Variants in ADAM17 observed in about 807,000 individuals in gnomAD.
ADAM17 encodes the protein disintegrin and metalloproteinase domain-containing protein 17.
Under a neutral mutation model 96.7 loss-of-function variants are expected in ADAM17, and 39 were observed. The ratio of observed to expected loss-of-function variants is 0.40; its 90% CI spans 0.31 to 0.53. The LOEUF is 0.53. Ranked by LOEUF, ADAM17 falls within the 20% of genes least tolerant of loss-of-function variation. ADAM17 has a pLI of 0.44. For missense variants in ADAM17, 777 were observed against 1,013.2 expected (o/e 0.77, Z 3.17); for synonymous variants, 344 against 359.2 (o/e 0.96, Z 0.48).
intron 17 of ADAM17, 142 bp from the exon 18 acceptor site, chr2:9,491,293 A>AATCC: frequency 1.5e-6 from 1 of 670,912 alleles, no homozygotes; most frequent in Non-Finnish European, 2.5e-6. Context: ...AACAGATGAC[A>AATCC]ATCCATTTCT....
intron 3 of ADAM17, 103 bp from the exon 4 acceptor site, chr2:9,536,025 A>G (rs889861618): frequency 4.5e-6 from 3 of 659,832 alleles, no homozygotes; most frequent in Non-Finnish European, 4.5e-6. Flanking sequence ...GAATTTGCCT[A>G]GTACTGTGAG....
At chr2:9,512,763 TAC>T (rs1212857146) in intron 10 of ADAM17, among the ~76,000 whole-genome samples, 1 of 152,206 alleles carries the variant, frequency 6.6e-6, no homozygotes, top group Non-Finnish European at 1.5e-5. Flanking sequence ...ATCACATTTC[TAC>T]ACAGTTGTCA....
chr2:9,533,063 C>T (rs1246430354), intron 4 of ADAM17, among the ~76,000 whole-genome samples: 2 of 152,026 alleles, frequency 1.3e-5, no homozygotes, highest in East Asian at 3.9e-4. Context: ...GTGGCACACG[C>T]CTGTAATTCC....
At chr2:9,537,646 G>A (rs1015991670) in intron 2 of ADAM17, among the ~76,000 whole-genome samples, 9 of 151,748 alleles carry the variant, frequency 5.9e-5, no homozygotes, top group Non-Finnish European at 1.0e-4. Flanking sequence ...GCAGGAGAAT[G>A]GAGTGAACCC....
At chr2:9,530,515 A>C (rs1222594265) in intron 4 of ADAM17, among the ~76,000 whole-genome samples, 2 of 152,232 alleles carry the variant, frequency 1.3e-5, no homozygotes, top group Non-Finnish European at 2.9e-5. Context: ...TTATTAATAA[A>C]AGCTAAGGCT....
At chr2:9,520,351 C>CATGGCAAGACTGGAATCACAT (rs1664254940) in intron 8 of ADAM17, among the ~76,000 whole-genome samples, 2 of 152,198 alleles carry the variant, frequency 1.3e-5, no homozygotes, top group Non-Finnish European at 2.9e-5. Flanking sequence ...CCCTGTTATA[C>CATGGCAAGACTGGAATCACAT]GGCAAGACTC....
intron 4 of ADAM17, among the ~76,000 whole-genome samples, chr2:9,530,425 A>G (rs1664693841): frequency 6.6e-6 from 1 of 152,256 alleles, no homozygotes; most frequent in South Asian, 2.1e-4. Context: ...AAGTAGTGAT[A>G]ATACCTAACT....
intron 6 of ADAM17, among the ~76,000 whole-genome samples, chr2:9,525,101 C>T (rs910548091): frequency 6.6e-6 from 1 of 151,918 alleles, no homozygotes; most frequent in Non-Finnish European, 1.5e-5. Flanking sequence ...TATTTAGGAA[C>T]AAGAATCACA....
intron 16 of ADAM17, among the ~76,000 whole-genome samples, chr2:9,493,497 G>C (rs1662324044): frequency 6.6e-6 from 1 of 152,130 alleles, no homozygotes; most frequent in African/African-American, 2.4e-5. Context: ...GGATATTTTT[G>C]GGTAAAGAAG....
intron 10 of ADAM17, among the ~76,000 whole-genome samples, chr2:9,515,036 A>G (rs1054467037): frequency 4.6e-5 from 7 of 152,086 alleles, no homozygotes; most frequent in Admixed American, 4.6e-4. Flanking sequence ...AAATCACCCA[A>G]AGTCCACAGT....
intron 4 of ADAM17, among the ~76,000 whole-genome samples, chr2:9,531,327 G>A (rs559819887): frequency 6.6e-6 from 1 of 152,110 alleles, no homozygotes; most frequent in East Asian, 2.0e-4. Context: ...CAGCACTTTG[G>A]GAGGCCGAGG....
intron 1 of ADAM17, among the ~76,000 whole-genome samples, chr2:9,554,228 C>T (rs889272703): frequency 1.3e-5 from 2 of 152,144 alleles, no homozygotes; most frequent in African/African-American, 4.8e-5. Flanking sequence ...CAGGGTGGTG[C>T]AAATATAATT....
At chr2:9,513,465 T>C (rs779191775) in intron 10 of ADAM17, among the ~76,000 whole-genome samples, 1 of 151,946 alleles carries the variant, frequency 6.6e-6, no homozygotes, top group Non-Finnish European at 1.5e-5. Context: ...TTGTAACTGG[T>C]GGGGAGGAGG....
chr2:9,543,009 T>G, intron 2 of ADAM17, 144 bp downstream of exon 2: 1 of 1,111,826 alleles, frequency 9.0e-7, no homozygotes, highest in South Asian at 2.0e-5. Flanking sequence ...CAGTATGAAT[T>G]TTAGAATAAG....
intron 2 of ADAM17, 116 bp from the exon 3 acceptor site, chr2:9,536,944 A>G: frequency 8.3e-7 from 1 of 1,199,016 alleles, no homozygotes; most frequent in Non-Finnish European, 1.2e-6. Flanking sequence ...ACACTATGCA[A>G]GTTACAACTA....
chr2:9,523,369 T>C (rs779325053), intron 6 of ADAM17, 31 bp from the exon 7 acceptor site: 1 of 1,518,696 alleles, frequency 6.6e-7, no homozygotes, highest in South Asian at 1.1e-5. Flanking sequence ...AAAAAGACAT[T>C]ATGTAACTCT....
intron 18 of ADAM17, 38 bp downstream of exon 18, chr2:9,491,063 C>G (rs372419048): frequency 1.9e-6 from 3 of 1,587,590 alleles, no homozygotes; most frequent in Non-Finnish European, 2.6e-6. Context: ...GGCCTCAGAC[C>G]AGGCGAAGAT....
In ADAM17 at chr2:9,497,190, A is replaced by G; in HGVS notation, c.1707T>C (p.Asp569=). 2 of 1,614,228 alleles carry G rather than the reference A, an allele frequency of 1.2e-6. No individual in the cohort carries two copies. The highest frequency in any genetic ancestry group is 1.7e-6 in the Non-Finnish European group (2 of 1,180,046). The change falls in exon 14 of 19, where the codon GAT becomes GAC. Residue 569 remains aspartate (D), a synonymous_variant. Transcript: ENST00000310823. The part of the protein sequence containing the change: ...GNAEDDTVCL[D]LGKCKDGKCI... ...ATTTCCCATCCTTACACTTGCCAAG[A>G]TCCAAGCAAACAGTGTCATCTTCAG...
intron 1 of ADAM17, among the ~76,000 whole-genome samples, chr2:9,551,864 T>G (rs1372306009): frequency 6.6e-6 from 1 of 152,210 alleles, no homozygotes; most frequent in Non-Finnish European, 1.5e-5. Flanking sequence ...ATAAATAATC[T>G]GTGGTTGTCT....
Sources: allele counts gnomAD v4.1 joint callset (sites outside exome capture counted in the v4.1 genomes callset), GRCh38; gene constraint gnomAD v4.1.1; transcripts MANE v1.5; gene names NCBI Gene and HGNC (gene_info 2026-07-23, HGNC 2026-07-21).